The following PATJ variants were observed in gnomAD, a reference collection of about 807,000 sequenced individuals.
PATJ encodes the protein inaD-like protein.
Under a neutral mutation model 224.9 loss-of-function variants are expected in PATJ, and 190 were observed. That is an observed-to-expected ratio of 0.84 (90% CI 0.75 to 0.95). The LOEUF (loss-of-function observed/expected upper bound fraction) is 0.95, where lower values mean the gene tolerates loss of function less well. Among genes scored for constraint, PATJ ranks in the 40% least tolerant of loss-of-function variants. The pLI, the probability that PATJ is intolerant of heterozygous loss-of-function variation, is 0.00. For synonymous variants in PATJ, 769 were observed against 820.3 expected (o/e 0.94, Z 1.07); for missense variants, 2,121 against 2,270.3 (o/e 0.93, Z 1.34).
At chr1:62,040,671 G>A (rs929319580) in intron 30 of PATJ, among the ~76,000 whole-genome samples, 2 of 149,690 alleles carry the variant, frequency 1.3e-5, no homozygotes, top group African/African-American at 4.9e-5. Context: ...TAGAAGCTGG[G>A]AGAGCAGTGA....
At chr1:61,881,337 G>C (rs1391415849) in intron 21 of PATJ, among the ~76,000 whole-genome samples, 1 of 151,848 alleles carries the variant, frequency 6.6e-6, no homozygotes, top group Non-Finnish European at 1.5e-5. Context: ...TGACCTGTAT[G>C]CTCAGAAGCC....
chr1:61,791,164 C>T (rs1649776505), intron 8 of PATJ, among the ~76,000 whole-genome samples, 184 bp from the exon 9 acceptor site: 1 of 152,144 alleles, frequency 6.6e-6, no homozygotes, highest in African/African-American at 2.4e-5. Flanking sequence ...GGATAGTCTC[C>T]ATTTTGCCAT....
intron 29 of PATJ, among the ~76,000 whole-genome samples, chr1:62,019,594 C>A (rs1318481318): frequency 1.3e-5 from 2 of 151,816 alleles, no homozygotes; most frequent in African/African-American, 2.4e-5. Flanking sequence ...TAGTTTTTCA[C>A]TCTATTTTCA....
chr1:61,966,414 G>A (rs954679197), intron 27 of PATJ, among the ~76,000 whole-genome samples: 3 of 152,082 alleles, frequency 2.0e-5, no homozygotes, highest in Non-Finnish European at 2.9e-5. Context: ...GGCCAAATGC[G>A]GTGTCTCACA....
chr1:61,915,679 T>C (rs560633102), intron 26 of PATJ, among the ~76,000 whole-genome samples: 1 of 151,206 alleles, frequency 6.6e-6, no homozygotes, highest in South Asian at 2.1e-4. Flanking sequence ...TTAATTTTTA[T>C]AATTTTCTTT....
intron 28 of PATJ, among the ~76,000 whole-genome samples, chr1:62,003,500 C>T (rs1433798578): frequency 6.6e-6 from 1 of 152,118 alleles, no homozygotes; most frequent in Non-Finnish European, 1.5e-5. Context: ...CCTTTGGAAA[C>T]ATTATACTTC....
intron 7 of PATJ, among the ~76,000 whole-genome samples, chr1:61,787,000 CAAAAA>C (rs199682347): frequency 0.015 from 2,214 of 146,730 alleles, 80 homozygotes; most frequent in East Asian, 0.092. Flanking sequence ...CAAAACAAAA[CAAAAA>C]ACTATCTATC....
intron 37 of PATJ, among the ~76,000 whole-genome samples, chr1:62,118,679 G>A (rs1352216557): frequency 6.6e-6 from 1 of 152,018 alleles, no homozygotes; most frequent in Non-Finnish European, 1.5e-5. Context: ...GCCCAGGTTG[G>A]AGTGCAATGG....
rs1473319449 is a variant in PATJ at position 62,128,024 on chromosome 1, T to C, written c.5096T>C (p.Leu1699Ser). 6.2e-7 allele frequency: 1 copy of C among 1,614,118 alleles called. No individual in the cohort carries two copies. Among genetic ancestry groups the C allele is most frequent in the Non-Finnish European group, 8.5e-7 (1 of 1,179,982 alleles). ...ISIAGGRGSP[L>S]GDIPVFIAMI... ...ATTGCTGGAGGAAGAGGAAGTCCCT[T>C]AGGAGATATCCCCGTATTTATTGCC... is the stretch of plus-strand genomic sequence containing the variant. Residue 1699 changes from leucine to serine, a missense_variant, in exon 40 of 44, where the codon TTA (leucine) becomes TCA (serine). Leu to Ser is a moderately radical substitution (Grantham distance 145, BLOSUM62 -2). Transcript: ENST00000642238.
intron 27 of PATJ, among the ~76,000 whole-genome samples, chr1:61,966,179 C>CTCA (rs1163102431): frequency 6.6e-6 from 1 of 151,536 alleles, no homozygotes; most frequent in Non-Finnish European, 1.5e-5. Context: ...GGATTACAGG[C>CTCA]GTGAGCCACC....
intron 42 of PATJ, among the ~76,000 whole-genome samples, chr1:62,152,727 G>A (rs1269528747): frequency 3.3e-5 from 5 of 152,130 alleles, no homozygotes; most frequent in Non-Finnish European, 7.3e-5. Flanking sequence ...TTATGGACAA[G>A]AGTTTATGTG....
chr1:61,884,136 G>T, intron 21 of PATJ, 101 bp from the exon 22 acceptor site: 1 of 712,648 alleles, frequency 1.4e-6, no homozygotes, highest in South Asian at 3.2e-5. Context: ...CTCCTACCTG[G>T]AAGAGTCCCC....
At chr1:62,132,846 G>A (rs1467435199) in intron 41 of PATJ, among the ~76,000 whole-genome samples, 1 of 152,086 alleles carries the variant, frequency 6.6e-6, no homozygotes, top group African/African-American at 2.4e-5. Flanking sequence ...AGAGGTTGCA[G>A]TGAGCCAAGA....
At chr1:61,925,439 T>G (rs1675050357) in intron 26 of PATJ, among the ~76,000 whole-genome samples, 1 of 152,186 alleles carries the variant, frequency 6.6e-6, no homozygotes, top group Non-Finnish European at 1.5e-5. Context: ...AGCGAGGAAT[T>G]ACAAGTACAC....
intron 7 of PATJ, among the ~76,000 whole-genome samples, chr1:61,787,007 C>G (rs1648693117): frequency 6.6e-6 from 1 of 151,344 alleles, no homozygotes; most frequent in South Asian, 2.1e-4. Context: ...AAACAAAAAA[C>G]TATCTATCTA....
At chr1:61,940,425 A>G (rs1015536847) in intron 27 of PATJ, among the ~76,000 whole-genome samples, 1 of 152,140 alleles carries the variant, frequency 6.6e-6, no homozygotes, top group African/African-American at 2.4e-5. Context: ...CCATTAGAAA[A>G]TGAAATTCTA....
At chr1:62,027,801 C>G (rs1648315281) in intron 29 of PATJ, among the ~76,000 whole-genome samples, 1 of 151,674 alleles carries the variant, frequency 6.6e-6, no homozygotes, top group East Asian at 1.9e-4. Flanking sequence ...AATGTCTATT[C>G]AAGTCCCTTG....
intron 13 of PATJ, among the ~76,000 whole-genome samples, chr1:61,806,419 A>G (rs1312154350): frequency 6.6e-6 from 1 of 152,092 alleles, no homozygotes. Context: ...GGAGATCGAG[A>G]CCATCCTGGC....
chr1:61,858,352 T>A (rs1054336495), intron 18 of PATJ, among the ~76,000 whole-genome samples: 2 of 152,156 alleles, frequency 1.3e-5, no homozygotes, highest in Non-Finnish European at 2.9e-5. Context: ...AACCTCCATC[T>A]CCCAGGTTCA....
Sources: allele counts gnomAD v4.1 joint callset (sites outside exome capture counted in the v4.1 genomes callset), GRCh38; gene constraint gnomAD v4.1.1; transcripts MANE v1.5; gene names NCBI Gene and HGNC (gene_info 2026-07-23, HGNC 2026-07-21).